PIEZO2: variants seen among roughly 807,000 people sequenced by gnomAD.
The protein encoded by PIEZO2 is piezo type mechanosensitive ion channel component 2, also known as piezo-type mechanosensitive ion channel component 2.
Under a neutral mutation model 337.3 loss-of-function variants are expected in PIEZO2, and 172 were observed. The ratio of observed to expected loss-of-function variants is 0.51; its 90% CI spans 0.45 to 0.58. The LOEUF (loss-of-function observed/expected upper bound fraction) is 0.58. Ranked by LOEUF, PIEZO2 falls within the 20% of genes least tolerant of loss-of-function variation. The probability of loss-of-function intolerance (pLI) is 0.00; values close to 1 mark genes in which losing one functional copy is unlikely to be tolerated. For missense variants in PIEZO2, 3,028 were observed against 3,391.3 expected, an observed-to-expected ratio of 0.89 and a Z score of 2.66; for synonymous variants, 1,251 against 1,228.5, an observed-to-expected ratio of 1.02 and a Z score of -0.38.
intron 2 of PIEZO2, among the ~76,000 whole-genome samples, chr18:11,050,225 A>G (rs1178938334): frequency 1.3e-5 from 2 of 152,148 alleles, no homozygotes; most frequent in Admixed American, 1.3e-4. Flanking sequence ...ATAATAAAAC[A>G]CCTAATAATT....
chr18:11,103,295 T>A (rs2039471908), intron 1 of PIEZO2, among the ~76,000 whole-genome samples: 2 of 152,188 alleles, frequency 1.3e-5, no homozygotes. Context: ...CTTTAGACAG[T>A]TTTAACTGTC....
rs145833679 is a variant in PIEZO2 at position 10,929,119 on chromosome 18, A to G, written c.287-17891T>C. On this transcript the variant is annotated intron_variant, in intron 3 of 55. Transcript: ENST00000674853. The surrounding 1 kb of genome is among the most constrained non-coding windows in gnomAD (Gnocchi z 5.6). ...GCTGTTGTAAAGGTATCCATGCATC[A>G]GTCTTTATGTAAACACTCACAGCAT... Among the ~76,000 whole-genome samples, 226 of 152,338 alleles carry G rather than the reference A, an allele frequency of 1.5e-3. 2 individuals are homozygous for G. The highest frequency in any genetic ancestry group is 5.2e-3 in the African/African-American group (218 of 41,580).
chr18:10,812,886 G>A (rs1178337641), intron 7 of PIEZO2, among the ~76,000 whole-genome samples: 1 of 152,028 alleles, frequency 6.6e-6, no homozygotes, highest in Non-Finnish European at 1.5e-5. Context: ...CAGGATCCCA[G>A]CCATTGGCAA....
intron 2 of PIEZO2, among the ~76,000 whole-genome samples, chr18:11,004,982 C>T (rs939293857): frequency 6.6e-6 from 1 of 152,216 alleles, no homozygotes; most frequent in African/African-American, 2.4e-5. Context: ...GACTGAGAGG[C>T]TATCATAATA....
intron 3 of PIEZO2, among the ~76,000 whole-genome samples, chr18:10,965,196 T>G (rs1290897871): frequency 6.6e-6 from 1 of 152,314 alleles, no homozygotes; most frequent in East Asian, 1.9e-4. Context: ...GTTTAATTTT[T>G]TGAAGAACCA....
At chr18:11,005,748 CCTTGTGACCTGCTGTG>C (rs1338488618) in intron 2 of PIEZO2, among the ~76,000 whole-genome samples, 1 of 152,206 alleles carries the variant, frequency 6.6e-6, no homozygotes, top group Non-Finnish European at 1.5e-5. Context: ...TGACTAACTG[CCTTGTGACCTGCTGTG>C]TTTATTCTCC....
At chr18:10,709,807 C>T (rs2035746275) in intron 39 of PIEZO2, among the ~76,000 whole-genome samples, 1 of 152,250 alleles carries the variant, frequency 6.6e-6, no homozygotes, top group African/African-American at 2.4e-5. Context: ...CAGGGGCAGC[C>T]AGTGAGGGCG....
Position 10,673,520 on chromosome 18 carries a change from G to A in PIEZO2, c.8162-647C>T, listed in dbSNP as rs2033867930. ...ACTTCAATAGGTGAAGGTGGGTGAG[G>A]AGGGAAGCTCATTTCAGGAAGAGTG... On this transcript the variant is annotated intron_variant, in intron 54 of 55. Transcript: ENST00000674853. The surrounding 1 kb of genome is among the most constrained non-coding windows in gnomAD (Gnocchi z 4.8). Among the ~76,000 whole-genome samples the A allele has an allele frequency of 6.6e-6, 1 of 152,184 alleles. No individual in the cohort carries two copies. The highest frequency in any genetic ancestry group is 2.4e-5 in the African/African-American group (1 of 41,418).
chr18:11,050,404 T>C (rs2660281), intron 2 of PIEZO2, among the ~76,000 whole-genome samples: 46,665 of 151,734 alleles, frequency 0.31, 7,480 homozygotes, highest in Non-Finnish European at 0.37. Flanking sequence ...CTTTACAAGT[T>C]ACAGATCGCA....
Position 10,680,327 on chromosome 18 carries a change from T to C in PIEZO2, c.7824A>G (p.Thr2608=), listed in dbSNP as rs1194458859. The change falls in exon 52 of 56, where the codon ACA becomes ACG. Residue 2608 remains threonine, a synonymous_variant. Transcript: ENST00000674853. Reference sequence around the variant, plus strand: ...TTGAGTTTCCTTCCAGTTCTGCTACTGTTATGTCTTCTTTTTCATAATTTT... The same window carrying C: ...TTGAGTTTCCTTCCAGTTCTGCTACCGTTATGTCTTCTTTTTCATAATTTT... ...FLENYEKEDI[T]VAELEGNSNS... is the part of the protein sequence containing the mutation. 2.5e-6 allele frequency: 4 copies of C among 1,614,140 alleles called. No individual in the cohort carries two copies. The highest frequency in any genetic ancestry group is 1.1e-5 in the South Asian group (1 of 91,068).
At chr18:10,904,603 C>G (rs1399703838) in intron 4 of PIEZO2, among the ~76,000 whole-genome samples, 1 of 152,196 alleles carries the variant, frequency 6.6e-6, no homozygotes, top group Non-Finnish European at 1.5e-5. Flanking sequence ...GCAAATGCTT[C>G]AAGAGCCACT....
intron 5 of PIEZO2, among the ~76,000 whole-genome samples, chr18:10,867,895 A>G (rs1235962113): frequency 6.6e-6 from 1 of 152,262 alleles, no homozygotes; most frequent in Admixed American, 6.5e-5. Context: ...CAAATGAGCA[A>G]GACCACAGAT....
At chr18:10,931,711 TGTGAGAGAGA>T (rs1157816651) in intron 3 of PIEZO2, among the ~76,000 whole-genome samples, 1 of 91,018 alleles carries the variant, frequency 1.1e-5, no homozygotes, top group African/African-American at 4.9e-5. Flanking sequence ...TGTGTGTGTG[TGTGAGAGAGA>T]GAGAGAGAGA....
Position 11,087,800 on chromosome 18 carries a change from C to T in PIEZO2, c.65-21578G>A, listed in dbSNP as rs1401641520. On this transcript the variant is annotated intron_variant, in intron 1 of 55. Coordinates refer to ENST00000674853, the MANE Select transcript of PIEZO2 (RefSeq NM_001378183.1). ...CTACTCCAATGTTTGAATCAAGGCA[C>T]GCCAATCAAGTGGGCTTGTGCACTG... is the stretch of plus-strand genomic sequence containing the variant. Among the ~76,000 whole-genome samples, 15 of 152,242 alleles carry T rather than the reference C, an allele frequency of 9.9e-5. No individual in the cohort carries two copies. In the East Asian group the frequency reaches 1.2e-3, roughly 12 times the overall value.
chr18:10,850,171 T>C lies in PIEZO2; in HGVS notation c.917+5182A>G, dbSNP rs2041500636. ...AAGGGAATCACTAATTCTCACCCTC[T>C]CCTGGATAAAAGTAATGCAAAAACT... On this transcript the variant is annotated intron_variant, in intron 7 of 55. Coordinates refer to ENST00000674853, the MANE Select transcript of PIEZO2 (RefSeq NM_001378183.1). The surrounding 1 kb of genome is among the most constrained non-coding windows in gnomAD (Gnocchi z 4.5). Among the ~76,000 whole-genome samples, 3 of 152,304 alleles carry C rather than the reference T, an allele frequency of 2.0e-5. No individual in the cohort carries two copies. Among genetic ancestry groups the C allele is most frequent in the Middle Eastern group, 3.4e-3 (1 of 294 alleles).
chr18:10,814,251 G>A (rs1283752010), intron 7 of PIEZO2, among the ~76,000 whole-genome samples: 2 of 152,018 alleles, frequency 1.3e-5, no homozygotes, highest in Non-Finnish European at 2.9e-5. Context: ...TTACAGGCAT[G>A]AGCCACCGTG....
chr18:10,936,550 C>T (rs747137654), intron 3 of PIEZO2, among the ~76,000 whole-genome samples: 1 of 152,098 alleles, frequency 6.6e-6, no homozygotes, highest in Non-Finnish European at 1.5e-5. Flanking sequence ...TTTATTTTTG[C>T]TGATGTGCTA....
rs1323636305 is a variant in PIEZO2, at chr18:10,716,519, G to A, written c.5090-703C>T. 6.6e-6 allele frequency among the ~76,000 whole-genome samples: 1 copy of A among 152,138 alleles called. No homozygotes were observed. ...GTCTTCCATGAGGTACATTTAAGAA[G>A]CAAGGAAAAGAGCGGGTATCTTTTG... On this transcript the variant is annotated intron_variant, in intron 37 of 55. Coordinates refer to ENST00000674853, the MANE Select transcript of PIEZO2 (RefSeq NM_001378183.1). This position sits in a 1 kb window ranked among gnomAD's most constrained non-coding sequence, Gnocchi z 4.1.
chr18:10,768,931 C>T (rs939694314), intron 21 of PIEZO2, among the ~76,000 whole-genome samples: 20 of 152,096 alleles, frequency 1.3e-4, no homozygotes, highest in African/African-American at 2.9e-4. Flanking sequence ...CATGAATTTC[C>T]GCTCCCCCAA....
Sources: gnomAD v4.1 joint callset for allele counts (sites outside exome capture counted in the v4.1 genomes callset) on GRCh38, gnomAD v4.1.1 for gene constraint, Gnocchi (gnomAD v3.1) non-coding constraint, MANE v1.5 for transcripts, NCBI Gene and HGNC (gene_info 2026-07-23, HGNC 2026-07-21) for gene names.